Variants in GOSR1 observed in about 807,000 individuals in gnomAD.
GOSR1 encodes 28 kDa Golgi SNARE protein.
GOSR1 carries 21 observed loss-of-function variants against 35.5 expected under a neutral mutation model. That is an observed-to-expected ratio of 0.59 (90% CI 0.42 to 0.85). The LOEUF is 0.85. GOSR1 is among the 40% of genes least tolerant of loss of function. The probability of loss-of-function intolerance (pLI) is 0.00; values close to 1 mark genes in which losing one functional copy is unlikely to be tolerated. For missense variants in GOSR1, 285 were observed against 309.6 expected, an observed-to-expected ratio of 0.92 and a Z score of 0.60; for synonymous variants, 94 against 106.6, an observed-to-expected ratio of 0.88 and a Z score of 0.73.
chr17:30,477,892 G>C (rs1914050387), intron 1 of GOSR1: 1 of 985,240 alleles, frequency 1.0e-6, no homozygotes, highest in African/African-American at 1.7e-5. Context: ...GGAAAACTGA[G>C]TGGGAAAAGA....
chr17:30,519,990 G>A lies in GOSR1; in HGVS notation c.591G>A (p.Lys197=). 6.2e-7 allele frequency: 1 copy of A among 1,609,836 alleles called. No homozygotes were observed. Among genetic ancestry groups the A allele is most frequent in the Non-Finnish European group, 8.5e-7 (1 of 1,176,416 alleles). ...ENMTSQRGML[K]SIHSKMNTLA... is the part of the protein sequence containing the mutation. The stretch of plus-strand genomic sequence containing the variant: ...TGACTTCACAGAGAGGAATGTTGAA[G>A]TCAATTCACAGCAAAATGAACACTT... The change falls in exon 8 of 9, where the codon AAG becomes AAA. Residue 197 remains lysine, a synonymous_variant. Coordinates refer to ENST00000451249, the MANE Select transcript of GOSR1 (RefSeq NM_001007025.2).
At chr17:30,484,816 G>GTTT (rs371433527) in intron 4 of GOSR1, 46 bp downstream of exon 4, 8 of 818,810 alleles carry the variant, frequency 9.8e-6, no homozygotes, top group Non-Finnish European at 1.4e-5. Flanking sequence ...AGGAGTTTGG[G>GTTT]TTTTTTTTTT....
At chr17:30,478,816 A>T (rs1470897615) in intron 1 of GOSR1, 1 of 152,152 alleles carries the variant, frequency 6.6e-6, no homozygotes, top group African/African-American at 2.4e-5. Flanking sequence ...CTGCCTCCCA[A>T]AGTGCTGGGA....
Position 30,522,351 on chromosome 17 carries a change from C to T in GOSR1, c.720C>T (p.Ile240=), listed in dbSNP as rs1802245. 11 of 1,599,584 alleles carry T rather than the reference C, an allele frequency of 6.9e-6. No individual in the cohort carries two copies. Among genetic ancestry groups the T allele is most frequent in the Non-Finnish European group, 8.5e-6 (10 of 1,172,828 alleles). Residue 240 remains isoleucine, a synonymous_variant, in exon 9 of 9, where the codon ATC becomes ATT. Coordinates refer to ENST00000451249, the MANE Select transcript of GOSR1 (RefSeq NM_001007025.2). ...GGGGTGTTATTGGGATCTGTACCAT[C>T]CTGTTGCTGCTGTATGCGTTCCATT... ...ILGGVIGICT[I]LLLLYAFH is the part of the protein sequence containing the mutation.
At chr17:30,485,049 G>A (rs1914594893) in intron 4 of GOSR1, 1 of 439,240 alleles carries the variant, frequency 2.3e-6, no homozygotes, top group Non-Finnish European at 4.2e-6. Flanking sequence ...CTAGCTAGCT[G>A]TAACAGTGAA....
At chr17:30,487,030 T>C (rs1448000821) in intron 4 of GOSR1, among the ~76,000 whole-genome samples, 1 of 152,052 alleles carries the variant, frequency 6.6e-6, no homozygotes, top group African/African-American at 2.4e-5. Context: ...AGATAAGTGG[T>C]AGAGGGTTCC....
At chr17:30,511,183 G>A (rs779335648) in intron 7 of GOSR1, among the ~76,000 whole-genome samples, 2 of 152,040 alleles carry the variant, frequency 1.3e-5, no homozygotes, top group Non-Finnish European at 2.9e-5. Flanking sequence ...TTCAATCTCA[G>A]TCTTTTTATT....
At chr17:30,494,807 T>A (rs1418961891) in intron 6 of GOSR1, among the ~76,000 whole-genome samples, 1 of 151,730 alleles carries the variant, frequency 6.6e-6, no homozygotes, top group Non-Finnish European at 1.5e-5. Context: ...GGGGTTTCAC[T>A]CTGTTGGCCA....
In GOSR1 at chr17:30,525,168, A is replaced by G. The variant is rs1316954629; in HGVS notation, c.*2790A>G. ...TCCGAGCCACAGGCAATAAAAGGAT[A>G]TCAGCTGTAGTTCTCAGCTACATCA... On this transcript the variant is annotated 3_prime_UTR_variant, in exon 9 of 9. Transcript: ENST00000451249. 1.3e-5 allele frequency: 2 copies of G among 152,242 alleles called. No individual in the cohort carries two copies. The highest frequency in any genetic ancestry group is 2.9e-5 in the Non-Finnish European group (2 of 68,044). The allele number at this position is 152,242 out of a possible 1,614,324, so 9.4% of individuals were successfully genotyped here. A position where few individuals can be genotyped will look rare whatever the true frequency, so the allele number is the denominator to read the frequency against.
chr17:30,484,852 A>C (rs1169516887), intron 4 of GOSR1, 82 bp downstream of exon 4: 1 of 764,408 alleles, frequency 1.3e-6, no homozygotes, highest in South Asian at 1.4e-5. Flanking sequence ...GGATATGTGC[A>C]CATATATTTA....
At chr17:30,488,307 G>A (rs1397698629) in intron 4 of GOSR1, among the ~76,000 whole-genome samples, 2 of 150,836 alleles carry the variant, frequency 1.3e-5, no homozygotes, top group East Asian at 3.9e-4. Flanking sequence ...TGGGACTCCA[G>A]GCGCTCGCCA....
intron 6 of GOSR1, among the ~76,000 whole-genome samples, chr17:30,505,654 G>A (rs972547162): frequency 1.2e-4 from 19 of 152,038 alleles, no homozygotes; most frequent in African/African-American, 4.6e-4. Context: ...GATCTTTGAT[G>A]TTACTCTTGT....
At chr17:30,492,814 G>A (rs1311978856) in intron 6 of GOSR1, 61 bp downstream of exon 6, 1 of 957,266 alleles carries the variant, frequency 1.0e-6, no homozygotes, top group East Asian at 2.4e-5. Context: ...ATTTACTTAT[G>A]TAACCAACAT....
At chr17:30,515,998 A>G (rs187705726) in intron 7 of GOSR1, among the ~76,000 whole-genome samples, 179 of 152,304 alleles carry the variant, frequency 1.2e-3, no homozygotes, top group African/African-American at 4.1e-3. Context: ...GTTGAAAGTG[A>G]TCCAAATCCT....
chr17:30,522,258 T>C lies in GOSR1; in HGVS notation c.627T>C (p.Arg209=). ...IHSKMNTLAN[R]FPAVNSLIQR... is the part of the protein sequence containing the mutation. ...CTTAATAAAGATTTCCCAAAGATCG[T>C]TTTCCTGCTGTAAACAGCCTGATCC... Residue 209 remains arginine, a synonymous_variant, in exon 9 of 9, where the codon CGT becomes CGC. Transcript: ENST00000451249. The C allele has an allele frequency of 6.3e-7, 1 of 1,599,264 alleles. No individual in the cohort carries two copies.
intron 6 of GOSR1, among the ~76,000 whole-genome samples, chr17:30,499,977 A>G (rs1202892176): frequency 6.6e-6 from 1 of 152,126 alleles, no homozygotes; most frequent in Non-Finnish European, 1.5e-5. Context: ...TGACATTTGT[A>G]TATCTTCTTT....
intron 4 of GOSR1, among the ~76,000 whole-genome samples, chr17:30,487,305 A>G (rs1042388101): frequency 1.3e-4 from 20 of 152,192 alleles, no homozygotes; most frequent in African/African-American, 4.6e-4. Flanking sequence ...CACATCCAGA[A>G]CAAATTCCAA....
intron 6 of GOSR1, among the ~76,000 whole-genome samples, chr17:30,498,155 CTT>C (rs531341013): frequency 7.0e-6 from 1 of 142,744 alleles, no homozygotes. Flanking sequence ...TATTCAAATC[CTT>C]TTTTTTTTTA....
In GOSR1 at chr17:30,490,117, T is replaced by C. The variant is rs373445364; in HGVS notation, c.343-9T>C. 4 of 1,293,206 alleles carry C rather than the reference T, an allele frequency of 3.1e-6. No individual in the cohort carries two copies. Among genetic ancestry groups the C allele is most frequent in the East Asian group, 2.3e-5 (1 of 43,320 alleles). 80.1% of individuals were successfully genotyped at this position (1,293,206 alleles called of 1,614,324 possible). On this transcript the variant is annotated splice_polypyrimidine_tract_variant and intron_variant, in intron 4 of 8. Transcript: ENST00000451249. ...GCTTCTGTTGAGACTGGATGTTGAT[T>C]TATTACAGGATTATACACATGAATT...
Sources: allele counts gnomAD v4.1 joint callset (sites outside exome capture counted in the v4.1 genomes callset), GRCh38; gene constraint gnomAD v4.1.1; transcripts MANE v1.5; gene names NCBI Gene and HGNC (gene_info 2026-07-23, HGNC 2026-07-21).